Variants in MED16 observed in about 807,000 individuals in gnomAD.
MED16 encodes mediator of RNA polymerase II transcription subunit 16.
MED16 carries 81 observed loss-of-function variants against 84.4 expected under a neutral mutation model. The observed-to-expected ratio is 0.96, with a 90% CI of 0.80 to 1.15. The LOEUF is 1.15. Ranked by LOEUF, MED16 falls within the 50% of genes most tolerant of loss-of-function variation. The pLI is 0.00. For synonymous variants in MED16, 897 were observed against 552.2 expected, an observed-to-expected ratio of 1.62 and a Z score of -8.76; for missense variants, 1,585 against 1,245.9, an observed-to-expected ratio of 1.27 and a Z score of -4.10.
At chr19:876,326 C>G (rs960551727) in intron 9 of MED16, among the ~76,000 whole-genome samples, 2 of 152,080 alleles carry the variant, frequency 1.3e-5, no homozygotes, top group African/African-American at 4.8e-5. Context: ...CGTGGGCCTC[C>G]GTATCCGCTC....
Position 880,089 on chromosome 19 carries a change from T to C in MED16, c.1201A>G (p.Thr401Ala), listed in dbSNP as rs774817166. The C allele has an allele frequency of 6.2e-7, 1 of 1,610,898 alleles. No individual in the cohort carries two copies. The highest frequency in any genetic ancestry group is 1.1e-5 in the South Asian group (1 of 90,822). The change falls in exon 8 of 16, where the codon ACC becomes GCC. Residue 401 changes from threonine (T) to alanine (A), a missense_variant. Coordinates refer to ENST00000325464, the MANE Select transcript of MED16 (RefSeq NM_005481.3). Reference sequence around the variant, plus strand: ...GCGGAGCTGTAGAAGACGGCCATGGTCTGCAGTGAGAGCCGGTGCACGATG... The same window carrying C: ...GCGGAGCTGTAGAAGACGGCCATGGCCTGCAGTGAGAGCCGGTGCACGATG... ...VHIVHRLSLQ[T>A]MAVFYSSAAP...
intron 9 of MED16, among the ~76,000 whole-genome samples, chr19:876,529 G>A (rs573613034): frequency 2.0e-4 from 30 of 152,198 alleles, no homozygotes; most frequent in African/African-American, 7.2e-4. Context: ...CCTTACCTGT[G>A]GGGCTTAACG....
rs759950566 is a variant in MED16 at position 875,199 on chromosome 19, T to C, written c.1771+45A>G. On this transcript the variant is annotated intron_variant, in intron 10 of 15. Transcript: ENST00000325464. Reference sequence around the variant, plus strand: ...AAAAAATAAATAAAAATAAAATAAATAGATGAAAGAAACCTCGAGGCCCCG... The same window carrying C: ...AAAAAATAAATAAAAATAAAATAAACAGATGAAAGAAACCTCGAGGCCCCG... The C allele has an allele frequency of 7.1e-6, 9 of 1,260,220 alleles. No individual in the cohort carries two copies. In the South Asian group the frequency reaches 7.6e-5, roughly 11 times the overall value. The allele number at this position is 1,260,220 out of a possible 1,614,324, so 78.1% of individuals were successfully genotyped here.
intron 7 of MED16, 40 bp from the exon 8 acceptor site, chr19:880,188 A>C: frequency 6.5e-7 from 1 of 1,548,780 alleles, no homozygotes; most frequent in Non-Finnish European, 8.7e-7. Flanking sequence ...GGCAGGGCCC[A>C]GGACACGCCC....
intron 12 of MED16, 136 bp from the exon 13 acceptor site, chr19:871,389 C>CG: frequency 2.3e-6 from 3 of 1,305,808 alleles, no homozygotes; most frequent in South Asian, 1.5e-5. Context: ...TGGGTGACCC[C>CG]GGGGTTCTCT....
intron 12 of MED16, among the ~76,000 whole-genome samples, 158 bp from the exon 13 acceptor site, chr19:871,411 G>A (rs2036051180): frequency 6.6e-6 from 1 of 152,044 alleles, no homozygotes; most frequent in Non-Finnish European, 1.5e-5. Context: ...ACCAGGTCGG[G>A]GCCCCGGCTC....
chr19:877,516 A>G (rs1616408), intron 8 of MED16, among the ~76,000 whole-genome samples: 71,786 of 151,802 alleles, frequency 0.47, 17,312 homozygotes, highest in East Asian at 0.61. Context: ...ACGTGCTGTG[A>G]GCCACCCCAC....
chr19:871,281 G>C (rs1050122302), intron 12 of MED16, 28 bp from the exon 13 acceptor site: 7 of 1,520,130 alleles, frequency 4.6e-6, no homozygotes, highest in Middle Eastern at 1.7e-4. Context: ...GGAAGTCTCA[G>C]CACCCCTGAC....
intron 11 of MED16, among the ~76,000 whole-genome samples, chr19:872,549 C>T (rs1420248703): frequency 6.6e-6 from 1 of 151,510 alleles, no homozygotes; most frequent in Non-Finnish European, 1.5e-5. Flanking sequence ...GACTTCAAAC[C>T]GTCCGTGATG....
intron 6 of MED16, 63 bp from the exon 7 acceptor site, chr19:881,777 AG>A: frequency 6.4e-7 from 1 of 1,563,542 alleles, no homozygotes; most frequent in Non-Finnish European, 8.7e-7. Flanking sequence ...AGACAGCCGC[AG>A]GAGTCCAGCA....
intron 11 of MED16, 26 bp downstream of exon 11, chr19:873,423 G>A: frequency 1.3e-6 from 2 of 1,597,660 alleles, no homozygotes; most frequent in African/African-American, 1.3e-5. Context: ...GTGGGGGGCG[G>A]GGCCTTAGGG....
Position 868,933 on chromosome 19 carries a change from G to T in MED16, c.2329C>A (p.Pro777Thr), listed in dbSNP as rs866197053. 6.5e-7 allele frequency: 1 copy of T among 1,544,374 alleles called. No homozygotes were observed. Among genetic ancestry groups the T allele is most frequent in the Non-Finnish European group, 8.7e-7 (1 of 1,151,464 alleles). ...LDGLARAPGQPKIDHLRRLHL... is the reference protein window; with the variant it reads ...LDGLARAPGQTKIDHLRRLHL... ...AGCCTCCGCAGGTGGTCGATCTTGG[G>T]CTGGCCTGGGGCCCTGGCGGGAGAG... is the stretch of plus-strand genomic sequence containing the variant. The change falls in exon 14 of 16, where the codon CCC (proline) becomes ACC (threonine). Residue 777 changes from proline (P) to threonine (T), a missense_variant. Pro to Thr is a conservative substitution (Grantham distance 38). Transcript: ENST00000325464.
intron 2 of MED16, 160 bp from the exon 3 acceptor site, chr19:890,404 C>T (rs1219775178): frequency 5.3e-6 from 3 of 560,866 alleles, no homozygotes; most frequent in Non-Finnish European, 9.4e-6. Flanking sequence ...AGGCTGTCCC[C>T]CCGCAGGAAC....
chr19:881,875 G>A (rs1381392091), intron 6 of MED16, among the ~76,000 whole-genome samples, 161 bp from the exon 7 acceptor site: 5 of 152,228 alleles, frequency 3.3e-5, no homozygotes, highest in East Asian at 1.9e-4. Context: ...CGGCCAATCC[G>A]AGCGCTTCGT....
At chr19:877,867 G>A (rs1359409976) in intron 8 of MED16, among the ~76,000 whole-genome samples, 1 of 144,056 alleles carries the variant, frequency 6.9e-6, no homozygotes, top group African/African-American at 2.6e-5. Flanking sequence ...TGCCCCAGCA[G>A]CTCGCCTTCC....
In MED16 at chr19:887,583, T is replaced by G. The variant is rs555317427; in HGVS notation, c.448-1382A>C. 9.9e-5 allele frequency among the ~76,000 whole-genome samples: 15 copies of G among 152,066 alleles called. No homozygotes were observed. In the East Asian group the frequency reaches 2.9e-3, roughly 30 times the overall value. On this transcript the variant is annotated intron_variant, in intron 4 of 15. Transcript: ENST00000325464. ...CGGGAGGCTGAGGCAGGAGAATCAC[T>G]TGAACCTGGGAGGTGGAAGTTTCAG...
intron 7 of MED16, 129 bp downstream of exon 7, chr19:881,430 G>A: frequency 3.7e-6 from 4 of 1,093,378 alleles, no homozygotes; most frequent in Non-Finnish European, 5.0e-6. Flanking sequence ...AGCTCCTACA[G>A]CCCCATGGCC....
At position 880,062 on chromosome 19, in the gene MED16, C is replaced by T. The variant is rs751880674; in HGVS notation, c.1228G>A (p.Ala410Thr). Residue 410 changes from alanine (A) to threonine (T), a missense_variant, in exon 8 of 16, where the codon GCC (alanine) becomes ACC (threonine). Physicochemically the swap from Ala to Thr is moderately conservative, Grantham distance 58. Transcript: ENST00000325464. Reference protein sequence around the residue: ...QTMAVFYSSAAPRPVDEPAMK... With the variant: ...QTMAVFYSSATPRPVDEPAMK... ...GCCGGCTCATCCACAGGCCTCGGGG[C>T]CGCGGAGCTGTAGAAGACGGCCATG... 2.5e-6 allele frequency: 4 copies of T among 1,611,218 alleles called. No individual in the cohort carries two copies. The highest frequency in any genetic ancestry group is 1.3e-5 in the African/African-American group (1 of 75,044).
intron 14 of MED16, 64 bp from the exon 15 acceptor site, chr19:868,563 A>T: frequency 6.3e-7 from 1 of 1,580,986 alleles, no homozygotes; most frequent in Non-Finnish European, 8.5e-7. Flanking sequence ...CGCCTGCCCC[A>T]CTTTTGCTTC....
Sources: gnomAD v4.1 joint callset for allele counts (sites outside exome capture counted in the v4.1 genomes callset) on GRCh38, gnomAD v4.1.1 for gene constraint, MANE v1.5 for transcripts, NCBI Gene and HGNC (gene_info 2026-07-23, HGNC 2026-07-21) for gene names.